The following B4GALNT2 variants were observed in gnomAD, a reference collection of about 807,000 sequenced individuals.
B4GALNT2 encodes beta-1,4-N-acetyl-galactosaminyltransferase 2 (SID blood group), also known as N-acetylneuraminylgalactosylglucosyl-glucoside beta-1,4-N- acetylgalactosaminyltransferase 2.
B4GALNT2 carries 42 observed loss-of-function variants against 51.1 expected under a neutral mutation model. The ratio of observed to expected loss-of-function variants is 0.82; its 90% CI spans 0.64 to 1.06. The LOEUF is 1.06. B4GALNT2 is among the 50% of genes least tolerant of loss of function. The pLI, the probability that B4GALNT2 is intolerant of heterozygous loss-of-function variation, is 0.00. For missense variants in B4GALNT2, 602 were observed against 633.6 expected (o/e 0.95, Z 0.54); for synonymous variants, 253 against 251.7 (o/e 1.01, Z -0.05).
At chr17:49,123,320 G>T in the B4GALNT2 span, among the ~76,000 whole-genome samples, 1 of 152,216 alleles carries the variant, frequency 6.6e-6, no homozygotes, top group South Asian at 2.1e-4. Flanking sequence ...TGCTCAAACA[G>T]CTAGTTTTCA....
At chr17:49,148,873 T>A (rs2042722845) in intron 3 of B4GALNT2, 2 of 207,638 alleles carry the variant, frequency 9.6e-6, no homozygotes. Flanking sequence ...CTGGCCAACA[T>A]GGAGAAACCC....
At chr17:49,136,493 T>C (rs1350160774) in intron 1 of B4GALNT2, among the ~76,000 whole-genome samples, 1 of 151,754 alleles carries the variant, frequency 6.6e-6, no homozygotes, top group Non-Finnish European at 1.5e-5. Context: ...TTTATTTACT[T>C]AGATGTTTAA....
intron 3 of B4GALNT2, among the ~76,000 whole-genome samples, chr17:49,144,254 C>T (rs914576131): frequency 3.9e-5 from 6 of 152,202 alleles, no homozygotes; most frequent in African/African-American, 1.4e-4. Flanking sequence ...CTCCAAACAA[C>T]ATATGAATTT....
At chr17:49,131,385 G>A (rs1198612178), upstream of B4GALNT2, among the ~76,000 whole-genome samples, 2 of 143,784 alleles carry the variant, frequency 1.4e-5, no homozygotes, top group Admixed American at 7.3e-5. Context: ...CTGAACTTGG[G>A]ACTCACCTGC....
intron 1 of B4GALNT2, among the ~76,000 whole-genome samples, chr17:49,134,647 G>A (rs1035211379): frequency 5.9e-5 from 9 of 151,866 alleles, no homozygotes; most frequent in Non-Finnish European, 8.8e-5. Context: ...GAGTGCAGTG[G>A]CGCAATCTCG....
intron 1 of B4GALNT2, among the ~76,000 whole-genome samples, chr17:49,133,947 AAAC>A (rs1296404252): frequency 1.3e-5 from 2 of 149,722 alleles, no homozygotes; most frequent in African/African-American, 5.1e-5. Context: ...ACAAACAAAC[AAAC>A]AAAAAGCAGC....
chr17:49,165,991 A>G (rs1161920252), intron 8 of B4GALNT2, 123 bp from the exon 9 acceptor site: 18 of 1,168,998 alleles, frequency 1.5e-5, no homozygotes, highest in Non-Finnish European at 2.1e-5. Context: ...ATTCGCTCGC[A>G]CCAATTCTAA....
intron 3 of B4GALNT2, among the ~76,000 whole-genome samples, chr17:49,150,316 G>T (rs1286017408): frequency 8.7e-6 from 1 of 115,424 alleles, no homozygotes; most frequent in African/African-American, 3.3e-5. Flanking sequence ...AGCCCCCCCC[G>T]CCTGGCCAGC....
chr17:49,135,993 G>A (rs1165007945), intron 1 of B4GALNT2, among the ~76,000 whole-genome samples: 1 of 151,520 alleles, frequency 6.6e-6, no homozygotes, highest in East Asian at 1.9e-4. Flanking sequence ...TGAGGCAGGA[G>A]AATGGCGTGA....
intron 7 of B4GALNT2, among the ~76,000 whole-genome samples, chr17:49,161,996 T>G (rs1377969943): frequency 2.6e-5 from 4 of 151,400 alleles, no homozygotes; most frequent in Non-Finnish European, 4.4e-5. Context: ...TAGCAAATTT[T>G]TTTCTTTTTG....
Position 49,170,864 on chromosome 17 carries a change from G to GGAAACAAAGGGATGGGCC in B4GALNT2, c.*1154_*1171dup, listed in dbSNP as rs537117203. ...AGATAAACTAAAAGTATTCCTTACA[G>GGAAACAAAGGGATGGGCC]GAAACAAAGGGATGGGCCGAAACAA... On this transcript the variant is annotated 3_prime_UTR_variant, in exon 11 of 11. Coordinates refer to ENST00000393354, the MANE Select transcript of B4GALNT2 (RefSeq NM_001159387.2). 12 of 152,492 alleles carry GGAAACAAAGGGATGGGCC rather than the reference G, an allele frequency of 7.9e-5. No individual in the cohort carries two copies. In the East Asian group the frequency reaches 2.1e-3, roughly 27 times the overall value. 9.4% of individuals were successfully genotyped at this position (152,492 alleles called of 1,614,324 possible).
At chr17:49,126,047 T>C in the B4GALNT2 span, among the ~76,000 whole-genome samples, 1 of 151,560 alleles carries the variant, frequency 6.6e-6, no homozygotes, top group East Asian at 1.9e-4. Flanking sequence ...GGCGGTTTTG[T>C]GGAATAGAAA....
intron 7 of B4GALNT2, among the ~76,000 whole-genome samples, chr17:49,163,049 T>A (rs774923402): frequency 6.6e-6 from 1 of 151,676 alleles, no homozygotes; most frequent in Non-Finnish European, 1.5e-5. Flanking sequence ...ACAGGTAGGG[T>A]TGTGGCTTCC....
the B4GALNT2 span, among the ~76,000 whole-genome samples, chr17:49,125,729 GC>G: frequency 2.1e-5 from 3 of 141,448 alleles, no homozygotes; most frequent in African/African-American, 7.9e-5. Context: ...CGGGCCGGCC[GC>G]CCCGTCCCGG....
At chr17:49,149,622 G>T (rs546808089) in intron 3 of B4GALNT2, among the ~76,000 whole-genome samples, 85 of 152,296 alleles carry the variant, frequency 5.6e-4, no homozygotes, top group African/African-American at 1.9e-3. Flanking sequence ...ATCTTGCCTG[G>T]GTGACAGAGT....
At position 49,168,685 on chromosome 17, in the gene B4GALNT2, GC is replaced by G; in HGVS notation, c.1101del (p.Gly368AlafsTer41). The G allele has an allele frequency of 6.2e-7, 1 of 1,613,214 alleles. No individual in the cohort carries two copies. Among genetic ancestry groups the G allele is most frequent in the African/African-American group, 1.3e-5 (1 of 75,032 alleles). On this transcript the variant is annotated frameshift_variant, in exon 10 of 11. Transcript: ENST00000393354. LOFTEE classifies it high-confidence loss of function. ...VLEKTELDVV[G>X]GSVLGNVFQF... The stretch of plus-strand genomic sequence containing the variant: ...ATTTCTCTGCCTGCTGGCTAGGTAG[GC>G]GGCAGTGTGCTGGGAAATGTGTTCC...
rs1317732804 is a variant in B4GALNT2, at chr17:49,173,941, T to C, written c.*4213T>C. On this transcript the variant is annotated 3_prime_UTR_variant, in exon 11 of 11. Transcript: ENST00000393354. ...TGTTAATTGCCGAGGGCTATGAGACTAGCATCTCCTCTAAGGTTAGAAAAT... is the reference window on the plus strand; with the variant it reads ...TGTTAATTGCCGAGGGCTATGAGACCAGCATCTCCTCTAAGGTTAGAAAAT... The C allele has an allele frequency of 6.6e-6, 1 of 152,176 alleles. No homozygotes were observed. Among genetic ancestry groups the C allele is most frequent in the Non-Finnish European group, 1.5e-5 (1 of 68,038 alleles). 9.4% of individuals were successfully genotyped at this position (152,176 alleles called of 1,614,324 possible).
chr17:49,152,198 G>A (rs2042764229), intron 3 of B4GALNT2, among the ~76,000 whole-genome samples: 1 of 151,880 alleles, frequency 6.6e-6, no homozygotes. Flanking sequence ...GCAACATAGT[G>A]AGACCCTATC....
intron 1 of B4GALNT2, chr17:49,133,333 G>A: frequency 7.8e-7 from 1 of 1,284,000 alleles, no homozygotes; most frequent in Non-Finnish European, 1.0e-6. Context: ...TTCAAATCCA[G>A]GCGCCCACCG....
Sources: gnomAD v4.1 joint callset for allele counts (sites outside exome capture counted in the v4.1 genomes callset) on GRCh38, gnomAD v4.1.1 for gene constraint, MANE v1.5 for transcripts, NCBI Gene and HGNC (gene_info 2026-07-23, HGNC 2026-07-21) for gene names.